Variants in ARHGAP23 observed in about 807,000 individuals in gnomAD.
The protein encoded by ARHGAP23 is Rho GTPase activating protein 23.
In ARHGAP23, 34 loss-of-function variants were observed where a neutral mutation model predicts 136.3. The ratio of observed to expected loss-of-function variants is 0.25; its 90% confidence interval spans 0.19 to 0.33. The LOEUF (loss-of-function observed/expected upper bound fraction) is 0.33, where lower values mean the gene tolerates loss of function less well. Among genes scored for constraint, ARHGAP23 ranks in the 10% least tolerant of loss-of-function variants. The pLI is 1.00. For missense variants in ARHGAP23, 1,808 were observed against 2,139.0 expected (o/e 0.85, Z 3.05); for synonymous variants, 832 against 920.5 (o/e 0.90, Z 1.74).
rs1164065910 is a variant in ARHGAP23 at position 38,466,625 on chromosome 17, C to T, written c.942C>T (p.Ser314=). ...RCPAMAPRAR[S]ASQDRLEEVA... ...CAGCCATGGCCCCCCGGGCCCGCAG[C>T]GCCTCCCAGGACCGGTTGGAGGAGG... The change falls in exon 7 of 24, where the codon AGC becomes AGT. Residue 314 remains serine, a synonymous_variant. Coordinates refer to ENST00000622683, the MANE Select transcript of ARHGAP23 (RefSeq NM_001199417.2). 6.1e-5 allele frequency: 93 copies of T among 1,516,736 alleles called. No homozygotes were observed. The highest frequency in any genetic ancestry group is 3.5e-4 in the Middle Eastern group (2 of 5,738). The allele number at this position is 1,516,736 out of a possible 1,614,324, so 94.0% of individuals were successfully genotyped here.
At chr17:38,465,164 CG>C (rs2039559186) in intron 6 of ARHGAP23, among the ~76,000 whole-genome samples, 1 of 148,092 alleles carries the variant, frequency 6.8e-6, no homozygotes, top group Admixed American at 6.7e-5. Flanking sequence ...GGGGAGACGG[CG>C]GGATGGCAGG....
chr17:38,510,550 C>T lies in ARHGAP23; in HGVS notation c.4054C>T (p.Gln1352Ter). 1 of 1,214,796 alleles carries T rather than the reference C, an allele frequency of 8.2e-7. No individual in the cohort carries two copies. Among genetic ancestry groups the T allele is most frequent in the African/African-American group, 1.6e-5 (1 of 62,504 alleles). 75.3% of individuals were successfully genotyped at this position (1,214,796 alleles called of 1,614,324 possible). A position where few individuals can be genotyped will look rare whatever the true frequency, so the allele number is the denominator to read the frequency against. Residue 1352 changes from glutamine to a stop codon, truncating the protein, a stop_gained, in exon 24 of 24, where the codon CAG becomes TAG. Coordinates refer to ENST00000622683, the MANE Select transcript of ARHGAP23 (RefSeq NM_001199417.2). LOFTEE classifies it high-confidence loss of function. This position sits in a 1 kb window ranked among gnomAD's most constrained non-coding sequence, Gnocchi z 4.6. ...EPPGSASSSS[Q>*]ESLRPPAAAL... is the part of the protein sequence containing the mutation. ...GCCCGGCTCGGCGTCGTCCAGCAGC[C>T]AGGAGTCGCTGCGGCCCCCGGCGGC...
intron 11 of ARHGAP23, among the ~76,000 whole-genome samples, chr17:38,474,356 G>A (rs6503652): frequency 0.85 from 128,639 of 151,694 alleles, 54,647 homozygotes; most frequent in Middle Eastern, 0.9. Flanking sequence ...GTGTGAGGCC[G>A]GGTGGAGCAG....
rs187052983 is a variant in ARHGAP23 at position 38,472,903 on chromosome 17, C to T, written c.2118+897C>T. 1.5e-3 allele frequency among the ~76,000 whole-genome samples: 227 copies of T among 152,266 alleles called. 1 individual carries two copies. Among genetic ancestry groups the T allele is most frequent in the Non-Finnish European group, 1.0e-3 (68 of 68,012 alleles). On this transcript the variant is annotated intron_variant, in intron 11 of 23. Transcript: ENST00000622683. ...CTAAGTAAAGGGTTTACCCAGTGCC[C>T]GGCACTTGAAGCTGCTGTACTTCTG...
intron 1 of ARHGAP23, among the ~76,000 whole-genome samples, chr17:38,429,714 G>T (rs898969805): frequency 6.6e-6 from 1 of 152,078 alleles, no homozygotes; most frequent in Non-Finnish European, 1.5e-5. Flanking sequence ...TGGACGGGGG[G>T]TGGGGGTGGA....
At chr17:38,482,424 G>T (rs2040066156) in intron 15 of ARHGAP23, 99 bp from the exon 16 acceptor site, 8 of 1,204,674 alleles carry the variant, frequency 6.6e-6, no homozygotes, top group Admixed American at 2.8e-5. Flanking sequence ...CCCCCCAAGG[G>T]TTCCTGGCAG....
intron 1 of ARHGAP23, among the ~76,000 whole-genome samples, chr17:38,447,445 A>AAAAAAAAAAAAC: frequency 6.9e-6 from 1 of 145,500 alleles, no homozygotes; most frequent in Non-Finnish European, 1.5e-5. Flanking sequence ...CTGAAAAAAA[A>AAAAAAAAAAAAC]AAAAAAAAAA....
intron 1 of ARHGAP23, among the ~76,000 whole-genome samples, chr17:38,448,633 C>G (rs373810069): frequency 0.01 from 1,465 of 142,308 alleles, 23 homozygotes; most frequent in African/African-American, 0.037. Flanking sequence ...ACTGAAAGAA[C>G]TTGGGGAGTT....
At chr17:38,482,179 G>C in intron 15 of ARHGAP23, 36 bp downstream of exon 15, 3 of 1,540,300 alleles carry the variant, frequency 1.9e-6, no homozygotes, top group Non-Finnish European at 2.6e-6. Context: ...AGGCCCAGCA[G>C]GGGGAGACCG....
At chr17:38,473,006 G>A (rs1443809296) in intron 11 of ARHGAP23, among the ~76,000 whole-genome samples, 2 of 152,042 alleles carry the variant, frequency 1.3e-5, no homozygotes, top group African/African-American at 2.4e-5. Context: ...GCGCGATCTC[G>A]GCTCACTACA....
At chr17:38,492,850 C>T (rs2040307555) in intron 20 of ARHGAP23, among the ~76,000 whole-genome samples, 1 of 152,242 alleles carries the variant, frequency 6.6e-6, no homozygotes, top group Non-Finnish European at 1.5e-5. Flanking sequence ...CTCTCCAGGG[C>T]ACCAGGGAGC....
intron 2 of ARHGAP23, among the ~76,000 whole-genome samples, chr17:38,458,522 A>G (rs1235218630): frequency 6.6e-6 from 1 of 152,132 alleles, no homozygotes; most frequent in Non-Finnish European, 1.5e-5. Flanking sequence ...GGAGACAGGG[A>G]GGGGTGGCTG....
chr17:38,478,540 G>A (rs1474001554), intron 12 of ARHGAP23, among the ~76,000 whole-genome samples: 4 of 151,764 alleles, frequency 2.6e-5, no homozygotes, highest in African/African-American at 7.3e-5. Flanking sequence ...TTAGCCTCCC[G>A]AGTAGCTGGG....
rs1380686381 is a variant in ARHGAP23 at position 38,510,630 on chromosome 17, C to G, written c.4134C>G (p.Gly1378=). The part of the protein sequence containing the change: ...RMEALRLRLR[G]TADDMLAVRL... ...AGGCGCTGCGTCTAAGGCTCCGCGG[C>G]ACGGCGGACGACATGCTCGCCGTGC... is the stretch of plus-strand genomic sequence containing the variant. Residue 1378 remains glycine (G), a synonymous_variant, in exon 24 of 24, where the codon GGC becomes GGG. Transcript: ENST00000622683. The surrounding 1 kb of genome is among the most constrained non-coding windows in gnomAD (Gnocchi z 4.6). 2 of 1,349,902 alleles carry G rather than the reference C, an allele frequency of 1.5e-6. No homozygotes were observed. The highest frequency in any genetic ancestry group is 1.5e-5 in the African/African-American group (1 of 64,570). 83.6% of individuals were successfully genotyped at this position (1,349,902 alleles called of 1,614,324 possible).
rs187505737 is a variant in ARHGAP23 at position 38,473,810 on chromosome 17, G to T, written c.2118+1804G>T. Among the ~76,000 whole-genome samples the T allele has an allele frequency of 3.2e-3, 491 of 152,304 alleles. 3 individuals are homozygous for T. Among genetic ancestry groups the T allele is most frequent in the African/African-American group, 0.011 (466 of 41,554 alleles). ...TCCTTAGAGGGTCCTGGGGAGAGGGGTGCTGGGAGCCAGGGCGAGAGGTGG... is the reference window on the plus strand; with the variant it reads ...TCCTTAGAGGGTCCTGGGGAGAGGGTTGCTGGGAGCCAGGGCGAGAGGTGG... On this transcript the variant is annotated intron_variant, in intron 11 of 23. Transcript: ENST00000622683.
chr17:38,477,920 G>A lies in ARHGAP23; in HGVS notation c.2436+24G>A, dbSNP rs890470506. On this transcript the variant is annotated intron_variant, in intron 12 of 23. Transcript: ENST00000622683. The surrounding 1 kb of genome is among the most constrained non-coding windows in gnomAD (Gnocchi z 6.6). Reference sequence around the variant, plus strand: ...AGGTGAGGGCCCGGCCAGCCCGGCAGCCACAGAGGGCGGGCGGGGTGGCCT... The same window carrying A: ...AGGTGAGGGCCCGGCCAGCCCGGCAACCACAGAGGGCGGGCGGGGTGGCCT... 5.8e-5 allele frequency: 90 copies of A among 1,547,070 alleles called. No homozygotes were observed. The Admixed American group carries it at 1.6e-3, about 28-fold the overall frequency.
intron 1 of ARHGAP23, among the ~76,000 whole-genome samples, chr17:38,442,984 C>T (rs1201886910): frequency 6.6e-6 from 1 of 152,182 alleles, no homozygotes; most frequent in Non-Finnish European, 1.5e-5. Flanking sequence ...GCCATAATAC[C>T]TGATTCTTGG....
At position 38,477,809 on chromosome 17, in the gene ARHGAP23, C is replaced by T; in HGVS notation, c.2349C>T (p.Phe783=). 6.5e-7 allele frequency: 1 copy of T among 1,550,272 alleles called. No individual in the cohort carries two copies. The highest frequency in any genetic ancestry group is 8.7e-7 in the Non-Finnish European group (1 of 1,146,578). Reference sequence around the variant, plus strand: ...TGTTCCGGCTGACCACCGCTGACTTCTGTGAATATCTCTTTCAGGCTGAGG... The same window carrying T: ...TGTTCCGGCTGACCACCGCTGACTTTTGTGAATATCTCTTTCAGGCTGAGG... ...RHVFRLTTAD[F]CEYLFQAEDR... is the part of the protein sequence containing the mutation. The change falls in exon 12 of 24, where the codon TTC becomes TTT. Residue 783 remains phenylalanine (F), a synonymous_variant. Transcript: ENST00000622683. The surrounding 1 kb of genome is among the most constrained non-coding windows in gnomAD (Gnocchi z 6.6).
chr17:38,484,455 C>T (rs965968719), intron 16 of ARHGAP23, among the ~76,000 whole-genome samples: 1 of 151,994 alleles, frequency 6.6e-6, no homozygotes, highest in African/African-American at 2.4e-5. Context: ...TGGCATGGGT[C>T]CTGCTGCAGC....
Sources: allele counts gnomAD v4.1 joint callset (sites outside exome capture counted in the v4.1 genomes callset), GRCh38; gene constraint gnomAD v4.1.1; non-coding constraint Gnocchi (gnomAD v3.1); transcripts MANE v1.5; gene names NCBI Gene and HGNC (gene_info 2026-07-23, HGNC 2026-07-21).